CAMK2D: variants seen among roughly 807,000 people sequenced by gnomAD.
CAMK2D encodes the protein calcium/calmodulin dependent protein kinase II delta, also known as calcium/calmodulin-dependent protein kinase type II subunit delta.
CAMK2D carries 37 observed loss-of-function variants against 84.0 expected under a neutral mutation model. The observed-to-expected ratio is 0.44, with a 90% CI of 0.34 to 0.58. The LOEUF (loss-of-function observed/expected upper bound fraction) is 0.58, where lower values mean the gene tolerates loss of function less well. CAMK2D is among the 20% of genes least tolerant of loss of function. CAMK2D has a pLI of 0.02. For missense variants in CAMK2D, 448 were observed against 652.5 expected, an observed-to-expected ratio of 0.69 and a Z score of 3.41; for synonymous variants, 202 against 212.5, an observed-to-expected ratio of 0.95 and a Z score of 0.43.
chr4:113,754,362 C>G lies in CAMK2D; in HGVS notation c.160+4958G>C, dbSNP rs937572105. On this transcript the variant is annotated intron_variant, in intron 2 of 20. Coordinates refer to ENST00000511664, the MANE Select transcript of CAMK2D (RefSeq NM_001321571.2). ...AAGACTTTAAAAATAAATTAAAATT[C>G]TAGTTAACAAAAAAGTTAGATGCCC... 5.1e-6 allele frequency: 5 copies of G among 982,200 alleles called. No homozygotes were observed. The African/African-American group carries it at 5.3e-5, about 10-fold the overall frequency. 60.8% of individuals were successfully genotyped at this position (982,200 alleles called of 1,614,324 possible).
intron 3 of CAMK2D, among the ~76,000 whole-genome samples, chr4:113,659,640 C>CGT (rs2099219796): frequency 1.3e-5 from 2 of 152,210 alleles, no homozygotes; most frequent in Non-Finnish European, 1.5e-5. Context: ...AACCTGACAA[C>CGT]ACCTTCATCT....
chr4:113,655,622 A>C (rs1592572127), intron 3 of CAMK2D, among the ~76,000 whole-genome samples: 1 of 152,108 alleles, frequency 6.6e-6, no homozygotes, highest in Non-Finnish European at 1.5e-5. Flanking sequence ...ACAAAATGTA[A>C]ACACAAGTCT....
rs56784441 is a variant in CAMK2D, at chr4:113,696,195, G to GACACACAC, written c.161-34431_161-34424dup. ...TGACAGACAGACACACAGACACACA[G>GACACACAC]ACACACACACACACACACACACACA... On this transcript the variant is annotated intron_variant, in intron 2 of 20. Coordinates refer to ENST00000511664, the MANE Select transcript of CAMK2D (RefSeq NM_001321571.2). Among the ~76,000 whole-genome samples, 290 of 144,622 alleles carry GACACACAC rather than the reference G, an allele frequency of 2.0e-3. 2 individuals carry two copies. The highest frequency in any genetic ancestry group is 6.7e-3 in the South Asian group (30 of 4,450). 94.9% of individuals were successfully genotyped at this position (144,622 alleles called of 152,430 possible). A position where few individuals can be genotyped will look rare whatever the true frequency, so the allele number is the denominator to read the frequency against.
rs150148245 is a variant in CAMK2D at position 113,462,519 on chromosome 4, G to A, written c.1212-2278C>T. ...ACATTCTACCATCCCAAAAGCTCTC[G>A]AATGGAAGCCCTGTTGGATTAGCTC... On this transcript the variant is annotated intron_variant, in intron 17 of 20. Coordinates refer to ENST00000511664, the MANE Select transcript of CAMK2D (RefSeq NM_001321571.2). Among the ~76,000 whole-genome samples the A allele has an allele frequency of 6.6e-4, 101 of 152,150 alleles. No individual in the cohort carries two copies. The East Asian group carries it at 0.01, about 16-fold the overall frequency.
chr4:113,564,156 C>T (rs1278882511), intron 4 of CAMK2D, among the ~76,000 whole-genome samples: 1 of 152,148 alleles, frequency 6.6e-6, no homozygotes, highest in Non-Finnish European at 1.5e-5. Context: ...ACTTAAAGCT[C>T]AGTTTCAAGG....
intron 5 of CAMK2D, among the ~76,000 whole-genome samples, chr4:113,548,383 G>C (rs2098599507): frequency 6.6e-6 from 1 of 152,122 alleles, no homozygotes; most frequent in Non-Finnish European, 1.5e-5. Flanking sequence ...ATTCAAGAAA[G>C]CCTGCTCCTC....
chr4:113,542,653 T>A (rs1487935081), intron 6 of CAMK2D, among the ~76,000 whole-genome samples: 1 of 151,334 alleles, frequency 6.6e-6, no homozygotes, highest in Non-Finnish European at 1.5e-5. Context: ...AGGCGGAGCT[T>A]GCAGTGAGCT....
At chr4:113,746,243 G>A (rs1469191383) in intron 2 of CAMK2D, among the ~76,000 whole-genome samples, 1 of 151,878 alleles carries the variant, frequency 6.6e-6, no homozygotes, top group African/African-American at 2.4e-5. Flanking sequence ...TTTCTAATAT[G>A]GTATTTCTAA....
At chr4:113,493,278 T>C (rs1270066049) in intron 16 of CAMK2D, among the ~76,000 whole-genome samples, 2 of 152,154 alleles carry the variant, frequency 1.3e-5, no homozygotes, top group African/African-American at 4.8e-5. Flanking sequence ...CAGTGGCTGG[T>C]ACCGGTTGTT....
chr4:113,623,937 C>A (rs2099057106), intron 3 of CAMK2D, among the ~76,000 whole-genome samples: 1 of 152,078 alleles, frequency 6.6e-6, no homozygotes, highest in African/African-American at 2.4e-5. Flanking sequence ...CATCACCGAG[C>A]CAGGATTTCA....
At chr4:113,567,764 G>A (rs895642070) in intron 4 of CAMK2D, among the ~76,000 whole-genome samples, 4 of 152,048 alleles carry the variant, frequency 2.6e-5, no homozygotes, top group Non-Finnish European at 5.9e-5. Flanking sequence ...TCTATAAAAT[G>A]GCTAAAACAA....
intron 4 of CAMK2D, among the ~76,000 whole-genome samples, chr4:113,567,422 C>T (rs1260137118): frequency 6.6e-6 from 1 of 152,122 alleles, no homozygotes; most frequent in East Asian, 1.9e-4. Context: ...CCTGCCGCAG[C>T]CTCCCAAAGT....
intron 2 of CAMK2D, among the ~76,000 whole-genome samples, chr4:113,697,663 A>T (rs1022864116): frequency 6.6e-6 from 1 of 152,088 alleles, no homozygotes; most frequent in East Asian, 1.9e-4. Context: ...TTCTTACTAT[A>T]CTAAGCCAGT....
At chr4:113,504,937 TA>T in intron 14 of CAMK2D, 38 bp downstream of exon 14, 1 of 1,186,286 alleles carries the variant, frequency 8.4e-7, no homozygotes, top group South Asian at 1.9e-5. Flanking sequence ...AAAAAAAATG[TA>T]AAGAACTTAA....
At chr4:113,710,135 T>C (rs550979974) in intron 2 of CAMK2D, among the ~76,000 whole-genome samples, 1 of 152,036 alleles carries the variant, frequency 6.6e-6, no homozygotes, top group Non-Finnish European at 1.5e-5. Context: ...TGACAAGACT[T>C]ACATATTTGT....
At chr4:113,527,078 G>A (rs1348143556) in intron 8 of CAMK2D, among the ~76,000 whole-genome samples, 3 of 151,986 alleles carry the variant, frequency 2.0e-5, no homozygotes, top group Admixed American at 6.6e-5. Context: ...ATGAAAGGAA[G>A]AGTTAACTGA....
rs528527783 is a variant in CAMK2D, at chr4:113,501,163, A to G, written c.1087-652T>C. 1.1e-3 allele frequency among the ~76,000 whole-genome samples: 162 copies of G among 152,250 alleles called. 1 individual carries two copies. The highest frequency in any genetic ancestry group is 3.6e-3 in the African/African-American group (149 of 41,584). ...GACTTTTTTCATTCTTTTCAAAAAT[A>G]GCAACTGGCTGTTATTGATAAGAAA... On this transcript the variant is annotated intron_variant, in intron 15 of 20. Transcript: ENST00000511664.
intron 2 of CAMK2D, among the ~76,000 whole-genome samples, chr4:113,707,254 C>A (rs1010430815): frequency 1.3e-5 from 2 of 152,066 alleles, no homozygotes; most frequent in Non-Finnish European, 2.9e-5. Flanking sequence ...ATGATCTCCA[C>A]ATCTGAAAGG....
At chr4:113,673,580 G>C (rs538648477) in intron 2 of CAMK2D, among the ~76,000 whole-genome samples, 15 of 152,374 alleles carry the variant, frequency 9.8e-5, no homozygotes, top group African/African-American at 3.4e-4. Flanking sequence ...TATCCGAAGA[G>C]AGAGTCAGCA....
Sources: gnomAD v4.1 joint callset for allele counts (sites outside exome capture counted in the v4.1 genomes callset) on GRCh38, gnomAD v4.1.1 for gene constraint, MANE v1.5 for transcripts, NCBI Gene and HGNC (gene_info 2026-07-23, HGNC 2026-07-21) for gene names.